Variants in SFMBT2 observed in about 807,000 individuals in gnomAD.
The protein encoded by SFMBT2 is scm-like with four MBT domains protein 2.
SFMBT2 carries 38 observed loss-of-function variants against 110.1 expected under a neutral mutation model. The ratio of observed to expected loss-of-function variants is 0.35; its 90% CI spans 0.27 to 0.45. The LOEUF is 0.45. SFMBT2 is among the 20% of genes least tolerant of loss of function. The pLI is 1.00. For synonymous variants in SFMBT2, 425 were observed against 425.4 expected (o/e 1.00, Z 0.01); for missense variants, 1,011 against 1,094.9 (o/e 0.92, Z 1.08).
intron 8 of SFMBT2, among the ~76,000 whole-genome samples, chr10:7,244,873 T>G (rs1840558876): frequency 6.6e-6 from 1 of 152,184 alleles, no homozygotes; most frequent in East Asian, 1.9e-4. Flanking sequence ...GAAAGTCAAC[T>G]TCAAGCAACA....
At chr10:7,399,262 T>C (rs1846008731) in intron 1 of SFMBT2, among the ~76,000 whole-genome samples, 1 of 152,094 alleles carries the variant, frequency 6.6e-6, no homozygotes, top group Non-Finnish European at 1.5e-5. Context: ...AGACGGAGTC[T>C]CGCTCTGTCA....
At chr10:7,178,962 T>C (rs1004338850) in intron 16 of SFMBT2, among the ~76,000 whole-genome samples, 2 of 152,288 alleles carry the variant, frequency 1.3e-5, no homozygotes, top group East Asian at 3.9e-4. Flanking sequence ...TACTGAAATA[T>C]GAAATTCCAG....
chr10:7,220,337 C>A, intron 11 of SFMBT2, 74 bp downstream of exon 11: 1 of 1,300,322 alleles, frequency 7.7e-7, no homozygotes, highest in South Asian at 1.3e-5. Flanking sequence ...AGAAGGGCTG[C>A]TTTCCTCCAC....
Position 7,248,634 on chromosome 10 carries a change from G to C in SFMBT2, c.886C>G (p.Arg296Gly). The change falls in exon 8 of 21, where the codon CGA becomes GGA. Residue 296 changes from arginine (R) to glycine (G), a missense_variant. Arg to Gly is a moderately radical substitution (Grantham distance 125). Coordinates refer to ENST00000397167, the MANE Select transcript of SFMBT2 (RefSeq NM_001387889.1). ...MEVFKDHADL[R>G]SHFFTVGMKL... ...ATCCCAACTGTGAAGAAATGGCTTCGCAAATCTGCGTGATCCTGCAGGGAG... is the reference window on the plus strand; with the variant it reads ...ATCCCAACTGTGAAGAAATGGCTTCCCAAATCTGCGTGATCCTGCAGGGAG... The C allele has an allele frequency of 6.2e-7, 1 of 1,614,018 alleles. No homozygotes were observed. Among genetic ancestry groups the C allele is most frequent in the Non-Finnish European group, 8.5e-7 (1 of 1,179,914 alleles).
rs1466235599 is a variant in SFMBT2, at chr10:7,228,781, T to TCTCTCTCTCTCTCC, written c.1121-845_1121-844insGGAGAGAGAGAGAG. On this transcript the variant is annotated intron_variant, in intron 9 of 20. Coordinates refer to ENST00000397167, the MANE Select transcript of SFMBT2 (RefSeq NM_001387889.1). The stretch of plus-strand genomic sequence containing the variant: ...CTCTCTCTCTCTCTCTCTCTCTCTC[T>TCTCTCTCTCTCTCC]CCCCCTCCCTCTCTCTCTCTCTTTC... Among the ~76,000 whole-genome samples the TCTCTCTCTCTCTCC allele has an allele frequency of 2.0e-4, 22 of 110,460 alleles. 2 individuals carry two copies. Among genetic ancestry groups the TCTCTCTCTCTCTCC allele is most frequent in the African/African-American group, 6.9e-4 (22 of 31,924 alleles). The allele number at this position is 110,460 out of a possible 152,430, so 72.5% of individuals were successfully genotyped here.
intron 1 of SFMBT2, among the ~76,000 whole-genome samples, chr10:7,389,820 T>C (rs1490324371): frequency 6.6e-6 from 1 of 152,362 alleles, no homozygotes; most frequent in Admixed American, 6.5e-5. Context: ...TGATTCATTG[T>C]ACATTTTCTG....
intron 4 of SFMBT2, among the ~76,000 whole-genome samples, chr10:7,337,286 G>T (rs941116428): frequency 2.6e-4 from 40 of 152,208 alleles, no homozygotes; most frequent in African/African-American, 8.4e-4. Flanking sequence ...CCTGCATGAG[G>T]ACAGGGTTTC....
rs200390013 is a variant in SFMBT2, at chr10:7,364,848, G to A, written c.436+2801C>T. On this transcript the variant is annotated intron_variant, in intron 4 of 20. Coordinates refer to ENST00000397167, the MANE Select transcript of SFMBT2 (RefSeq NM_001387889.1). ...GGGGGCACAAATGTGTGGCACCTGC[G>A]TGCAGAGTTGGGGATGGGGGAAGGT... 3.9e-5 allele frequency among the ~76,000 whole-genome samples: 6 copies of A among 152,340 alleles called. No homozygotes were observed. The South Asian group carries it at 6.2e-4, about 16-fold the overall frequency.
chr10:7,182,027 G>A (rs1838258997), intron 16 of SFMBT2, among the ~76,000 whole-genome samples: 1 of 152,136 alleles, frequency 6.6e-6, no homozygotes, highest in African/African-American at 2.4e-5. Flanking sequence ...GGATGGCTGG[G>A]TAGGGGGATG....
intron 12 of SFMBT2, 106 bp downstream of exon 12, chr10:7,205,709 T>C: frequency 6.9e-7 from 1 of 1,440,456 alleles, no homozygotes; most frequent in African/African-American, 1.4e-5. Context: ...AAATCAAAAA[T>C]CTTATTTGTT....
chr10:7,410,119 A>G (rs1180632745), intron 1 of SFMBT2, among the ~76,000 whole-genome samples: 1 of 152,234 alleles, frequency 6.6e-6, no homozygotes, highest in Non-Finnish European at 1.5e-5. Flanking sequence ...GCAATTTTGA[A>G]AGGGGGTCGA....
chr10:7,194,652 C>T lies in SFMBT2; in HGVS notation c.1698+2896G>A, dbSNP rs111590884. On this transcript the variant is annotated intron_variant, in intron 15 of 20. Coordinates refer to ENST00000397167, the MANE Select transcript of SFMBT2 (RefSeq NM_001387889.1). The stretch of plus-strand genomic sequence containing the variant: ...TCTGGTACTGAAAGAGGAGCATTAG[C>T]GTAAATATTAGCTTGGTGGCACTTA... Among the ~76,000 whole-genome samples the T allele has an allele frequency of 2.0e-4, 30 of 152,330 alleles. 2 individuals carry two copies. Among genetic ancestry groups the T allele is most frequent in the East Asian group, 1.2e-3 (6 of 5,190 alleles).
chr10:7,179,230 A>G (rs1049046012), intron 16 of SFMBT2, among the ~76,000 whole-genome samples: 6 of 152,062 alleles, frequency 3.9e-5, no homozygotes, highest in Admixed American at 6.6e-5. Flanking sequence ...AATCTTCTGT[A>G]GATAAGATCA....
intron 4 of SFMBT2, among the ~76,000 whole-genome samples, chr10:7,343,848 C>T (rs1031982536): frequency 4.6e-5 from 7 of 152,156 alleles, no homozygotes; most frequent in Non-Finnish European, 8.8e-5. Flanking sequence ...GAAAATGTGA[C>T]GTTATCACTA....
chr10:7,384,036 G>C (rs2255029), intron 1 of SFMBT2, among the ~76,000 whole-genome samples: 141,917 of 151,718 alleles, frequency 0.94, 66,488 homozygotes, highest in East Asian at 1. Context: ...TACGGTGAAA[G>C]CCCATCTCTA....
At chr10:7,223,695 G>A (rs1033715864) in intron 10 of SFMBT2, among the ~76,000 whole-genome samples, 1 of 151,608 alleles carries the variant, frequency 6.6e-6, no homozygotes, top group African/African-American at 2.4e-5. Flanking sequence ...TTCTTCTCTG[G>A]GACTTCCTAT....
chr10:7,307,697 T>C (rs568328267), intron 4 of SFMBT2, among the ~76,000 whole-genome samples: 2 of 152,180 alleles, frequency 1.3e-5, no homozygotes, highest in Non-Finnish European at 1.5e-5. Context: ...AGGACTTACA[T>C]GGGAAAGGCA....
intron 15 of SFMBT2, among the ~76,000 whole-genome samples, chr10:7,194,717 T>G (rs1838715325): frequency 6.6e-6 from 1 of 152,250 alleles, no homozygotes; most frequent in Admixed American, 6.5e-5. Context: ...ACTCACCTAC[T>G]TTTTTGTTTT....
chr10:7,362,468 T>C (rs1217953343), intron 4 of SFMBT2, among the ~76,000 whole-genome samples: 3 of 150,672 alleles, frequency 2.0e-5, no homozygotes, highest in African/African-American at 7.5e-5. Flanking sequence ...AAAACTATCA[T>C]CTAAGATAAT....
Sources: allele counts gnomAD v4.1 joint callset (sites outside exome capture counted in the v4.1 genomes callset), GRCh38; gene constraint gnomAD v4.1.1; transcripts MANE v1.5; gene names NCBI Gene and HGNC (gene_info 2026-07-23, HGNC 2026-07-21).